Variants in NRXN1 observed in about 807,000 individuals in gnomAD.
NRXN1 encodes the protein neurexin-1.
A neutral mutation model predicts 150.9 loss-of-function variants in NRXN1; 39 were observed. That is an observed-to-expected ratio of 0.26 (90% confidence interval 0.20 to 0.34). NRXN1 has a LOEUF of 0.34. Ranked by LOEUF, NRXN1 falls within the 10% of genes least tolerant of loss-of-function variation. NRXN1 has a pLI of 1.00. For synonymous variants in NRXN1, 924 were observed against 757.0 expected (o/e 1.22, Z -3.62); for missense variants, 1,815 against 1,949.9 (o/e 0.93, Z 1.30).
intron 5 of NRXN1, among the ~76,000 whole-genome samples, chr2:50,878,858 A>G (rs1010158703): frequency 1.1e-4 from 16 of 152,080 alleles, no homozygotes; most frequent in East Asian, 5.9e-4. Flanking sequence ...GCTTCCCCAA[A>G]GATTCTCATG....
intron 5 of NRXN1, among the ~76,000 whole-genome samples, chr2:50,780,086 T>G (rs1019605164): frequency 2.6e-5 from 4 of 152,210 alleles, no homozygotes; most frequent in African/African-American, 4.8e-5. Context: ...GGTATCTCAT[T>G]GTGGTTTTGA....
At chr2:50,446,842 A>G (rs1180242374) in intron 17 of NRXN1, among the ~76,000 whole-genome samples, 1 of 152,096 alleles carries the variant, frequency 6.6e-6, no homozygotes, top group Non-Finnish European at 1.5e-5. Flanking sequence ...AAAATGATTT[A>G]AACCTGCCAA....
intron 21 of NRXN1, among the ~76,000 whole-genome samples, chr2:49,998,760 T>A (rs1031467370): frequency 6.6e-6 from 1 of 152,134 alleles, no homozygotes; most frequent in Non-Finnish European, 1.5e-5. Context: ...GGGATTGCTG[T>A]GGTGTATGGA....
At chr2:50,502,929 C>T (rs936551879) in intron 13 of NRXN1, among the ~76,000 whole-genome samples, 3 of 152,098 alleles carry the variant, frequency 2.0e-5, no homozygotes, top group African/African-American at 4.8e-5. Context: ...TGTATCATTC[C>T]TCACTAAATG....
intron 8 of NRXN1, among the ~76,000 whole-genome samples, chr2:50,583,534 G>A (rs974504473): frequency 6.6e-6 from 1 of 152,104 alleles, no homozygotes; most frequent in African/African-American, 2.4e-5. Flanking sequence ...CATTTACTGA[G>A]GTTAGAGACT....
chr2:51,005,175 T>C (rs1358551596), intron 2 of NRXN1, among the ~76,000 whole-genome samples: 1 of 152,014 alleles, frequency 6.6e-6, no homozygotes, highest in Non-Finnish European at 1.5e-5. Flanking sequence ...CTCCCTCTTT[T>C]ATTCCTCATC....
chr2:50,709,762 T>C (rs1181998566), intron 5 of NRXN1, among the ~76,000 whole-genome samples: 1 of 152,158 alleles, frequency 6.6e-6, no homozygotes, highest in Admixed American at 6.5e-5. Flanking sequence ...GAATGAACTA[T>C]TCATTGGTTC....
intron 10 of NRXN1, among the ~76,000 whole-genome samples, chr2:50,537,758 T>C (rs1000049473): frequency 2.0e-5 from 3 of 152,280 alleles, no homozygotes; most frequent in South Asian, 4.1e-4. Context: ...AGAGAGGATA[T>C]TGCCTCTTTT....
chr2:50,806,281 T>C (rs1217110227), intron 5 of NRXN1, among the ~76,000 whole-genome samples: 1 of 152,140 alleles, frequency 6.6e-6, no homozygotes, highest in East Asian at 1.9e-4. Context: ...GAAATTACAG[T>C]TAAGAAATGT....
chr2:50,456,056 A>G (rs1001976053), intron 17 of NRXN1, among the ~76,000 whole-genome samples: 2 of 152,178 alleles, frequency 1.3e-5, no homozygotes, highest in African/African-American at 4.8e-5. Context: ...CTTCTGCTAC[A>G]TATTCCATCT....
At chr2:50,481,250 T>C (rs924623840) in intron 15 of NRXN1, among the ~76,000 whole-genome samples, 2 of 152,140 alleles carry the variant, frequency 1.3e-5, no homozygotes, top group African/African-American at 4.8e-5. Flanking sequence ...ATACAGGAAA[T>C]TTTGGAGAGT....
intron 17 of NRXN1, among the ~76,000 whole-genome samples, chr2:50,353,500 T>A (rs544666105): frequency 1.9e-4 from 29 of 152,212 alleles, no homozygotes; most frequent in Non-Finnish European, 3.5e-4. Flanking sequence ...AGCTTCATTG[T>A]TTTTATTCAT....
chr2:49,959,519 T>A (rs1409695348), intron 21 of NRXN1, among the ~76,000 whole-genome samples: 5 of 152,208 alleles, frequency 3.3e-5, no homozygotes, highest in African/African-American at 1.2e-4. Context: ...GTACAGGTTA[T>A]GGGATCTTAC....
chr2:50,991,712 G>A (rs922445289), intron 2 of NRXN1, among the ~76,000 whole-genome samples: 4 of 151,918 alleles, frequency 2.6e-5, no homozygotes, highest in Admixed American at 1.3e-4. Flanking sequence ...TAAATTTCCA[G>A]AAAACAGATT....
intron 18 of NRXN1, among the ~76,000 whole-genome samples, chr2:50,229,544 C>G (rs2064744134): frequency 6.6e-6 from 1 of 151,988 alleles, no homozygotes; most frequent in Non-Finnish European, 1.5e-5. Flanking sequence ...CTTCCCGAGA[C>G]ACACAGACTC....
At chr2:50,156,230 G>A (rs1367560052) in intron 18 of NRXN1, among the ~76,000 whole-genome samples, 2 of 151,904 alleles carry the variant, frequency 1.3e-5, no homozygotes, top group Non-Finnish European at 2.9e-5. Flanking sequence ...AAGATACCCT[G>A]AAAATACAGA....
intron 5 of NRXN1, among the ~76,000 whole-genome samples, chr2:50,698,648 A>G (rs1280800458): frequency 1.3e-5 from 2 of 152,202 alleles, no homozygotes; most frequent in Non-Finnish European, 2.9e-5. Flanking sequence ...GGTTTTCAAT[A>G]CATTTAAAAA....
chr2:51,012,784 C>T (rs1668084764), intron 2 of NRXN1, among the ~76,000 whole-genome samples: 1 of 152,004 alleles, frequency 6.6e-6, no homozygotes, highest in Admixed American at 6.6e-5. Flanking sequence ...ACTGGCTTTC[C>T]TGGGAAACCA....
chr2:50,866,149 A>C (rs1676913130), intron 5 of NRXN1, among the ~76,000 whole-genome samples: 1 of 151,918 alleles, frequency 6.6e-6, no homozygotes, highest in Admixed American at 6.6e-5. Context: ...TGAAATATCC[A>C]AGAATATAAA....
Sources: allele counts gnomAD v4.1 joint callset (sites outside exome capture counted in the v4.1 genomes callset), GRCh38; gene constraint gnomAD v4.1.1; transcripts MANE v1.5; gene names NCBI Gene and HGNC (gene_info 2026-07-23, HGNC 2026-07-21).